The following MSL2 variants were observed in gnomAD, a reference collection of about 807,000 sequenced individuals.
MSL2 encodes the protein E3 ubiquitin-protein ligase MSL2.
A neutral mutation model predicts 35.8 loss-of-function variants in MSL2; 2 were observed. The ratio of observed to expected loss-of-function variants is 0.06; its 90% CI spans 0.02 to 0.18. The LOEUF (loss-of-function observed/expected upper bound fraction) is 0.18, where lower values mean the gene tolerates loss of function less well. Among genes scored for constraint, MSL2 ranks in the 10% least tolerant of loss-of-function variants. The pLI, the probability that MSL2 is intolerant of heterozygous loss-of-function variation, is 1.00. For missense variants in MSL2, 523 were observed against 706.7 expected (o/e 0.74, Z 2.95); for synonymous variants, 296 against 255.7 (o/e 1.16, Z -1.50).
chr3:136,168,685 C>T (rs953225972), intron 1 of MSL2, among the ~76,000 whole-genome samples: 4 of 151,998 alleles, frequency 2.6e-5, no homozygotes, highest in African/African-American at 9.7e-5. Context: ...AGCAAACCAC[C>T]ATGGCACGTG....
At chr3:136,161,338 T>G (rs1358712952) in intron 1 of MSL2, among the ~76,000 whole-genome samples, 1 of 152,188 alleles carries the variant, frequency 6.6e-6, no homozygotes, top group Non-Finnish European at 1.5e-5. Context: ...AAATTTACCA[T>G]AGAAACCAGC....
chr3:136,162,122 G>C (rs757870753), intron 1 of MSL2, among the ~76,000 whole-genome samples: 2 of 151,716 alleles, frequency 1.3e-5, no homozygotes, highest in African/African-American at 4.8e-5. Flanking sequence ...ATTTTTAGTA[G>C]AGACGGGGTC....
At chr3:136,159,199 C>A (rs916072872) in intron 1 of MSL2, among the ~76,000 whole-genome samples, 1 of 151,964 alleles carries the variant, frequency 6.6e-6, no homozygotes, top group Non-Finnish European at 1.5e-5. Context: ...TACTATAAAG[C>A]CATAGTAATC....
chr3:136,165,080 G>A (rs1275767369), intron 1 of MSL2, among the ~76,000 whole-genome samples: 1 of 151,964 alleles, frequency 6.6e-6, no homozygotes, highest in African/African-American at 2.4e-5. Context: ...TCACCATGTT[G>A]GCCAGGCTGG....
intron 1 of MSL2, among the ~76,000 whole-genome samples, chr3:136,183,103 CA>C (rs1438742874): frequency 6.6e-6 from 1 of 151,742 alleles, no homozygotes; most frequent in African/African-American, 2.4e-5. Flanking sequence ...TATCCAGCAA[CA>C]AAGTAAAATT....
chr3:136,172,366 C>T (rs561003313), intron 1 of MSL2, among the ~76,000 whole-genome samples: 1 of 152,178 alleles, frequency 6.6e-6, no homozygotes, highest in Admixed American at 6.5e-5. Context: ...ACCTCCCATA[C>T]TCCCCCCACC....
chr3:136,184,277 CAG>C (rs1940449009), intron 1 of MSL2, among the ~76,000 whole-genome samples: 1 of 151,450 alleles, frequency 6.6e-6, no homozygotes, highest in South Asian at 2.1e-4. Context: ...ACCTGAACGA[CAG>C]AGTGAGACTC....
chr3:136,175,030 T>A (rs1319359970), intron 1 of MSL2, among the ~76,000 whole-genome samples: 1 of 152,170 alleles, frequency 6.6e-6, no homozygotes, highest in Non-Finnish European at 1.5e-5. Flanking sequence ...ATTTCTCTTG[T>A]GGTATGAGAG....
chr3:136,182,366 C>T (rs113354644), intron 1 of MSL2, among the ~76,000 whole-genome samples: 5 of 152,166 alleles, frequency 3.3e-5, no homozygotes, highest in African/African-American at 9.7e-5. Flanking sequence ...GATTTACTCT[C>T]CTAACTGAAA....
In MSL2 at chr3:136,152,026, G is replaced by C; in HGVS notation, c.855C>G (p.Val285=). Reference sequence around the variant, plus strand: ...AGTTCGGCTGCAAATTAGGGCAACAGACCTCTGTATTTGAAACAGTTTCTA... The same window carrying C: ...AGTTCGGCTGCAAATTAGGGCAACACACCTCTGTATTTGAAACAGTTTCTA... ...RSLETVSNTE[V]CCPNLQPNLE... is the part of the protein sequence containing the mutation. The change falls in exon 2 of 2, where the codon GTC becomes GTG. Residue 285 remains valine, a synonymous_variant. Transcript: ENST00000309993. 3 of 1,614,192 alleles carry C rather than the reference G, an allele frequency of 1.9e-6. No individual in the cohort carries two copies. Among genetic ancestry groups the C allele is most frequent in the Middle Eastern group, 1.6e-4 (1 of 6,062 alleles).
intron 1 of MSL2, among the ~76,000 whole-genome samples, chr3:136,175,620 G>A (rs533585397): frequency 1.2e-4 from 18 of 151,976 alleles, no homozygotes; most frequent in South Asian, 2.1e-4. Context: ...CCAGGAGTTC[G>A]AGGCTGCAAG....
chr3:136,193,311 A>G (rs575873847), intron 1 of MSL2, among the ~76,000 whole-genome samples: 38 of 152,246 alleles, frequency 2.5e-4, no homozygotes, highest in Admixed American at 1.1e-3. Context: ...GCACAACTCA[A>G]AACTACCATT....
chr3:136,151,155 C>A lies in MSL2; in HGVS notation c.1726G>T (p.Asp576Tyr). Residue 576 changes from aspartate to tyrosine, a missense_variant, in exon 2 of 2, where the codon GAC becomes TAC. Physicochemically the swap from Asp to Tyr is radical, Grantham distance 160. Around this residue, in one of 5 missense-constraint regions of MSL2, gnomAD observed 60 missense variants for 75.1 expected, o/e 0.80. Coordinates refer to ENST00000309993, the MANE Select transcript of MSL2 (RefSeq NM_018133.4). The surrounding 1 kb of genome is among the most constrained non-coding windows in gnomAD (Gnocchi z 5.2). The stretch of plus-strand genomic sequence containing the variant: ...TTAAAAGACCCACTGATTTAACAGT[C>A]GAATCTCATGTCTATAGCTTCATCC... ...SLDEAIDMRF[D>Y]C 6.2e-7 allele frequency: 1 copy of A among 1,608,880 alleles called. No individual in the cohort carries two copies. The highest frequency in any genetic ancestry group is 1.1e-5 in the South Asian group (1 of 90,964).
intron 1 of MSL2, among the ~76,000 whole-genome samples, chr3:136,179,871 G>A (rs1940286982): frequency 6.6e-6 from 1 of 152,118 alleles, no homozygotes; most frequent in Non-Finnish European, 1.5e-5. Context: ...TTTGAGATCA[G>A]CCTGGCCAAC....
intron 1 of MSL2, among the ~76,000 whole-genome samples, chr3:136,159,993 C>G (rs1333164872): frequency 1.3e-5 from 2 of 151,996 alleles, no homozygotes; most frequent in Admixed American, 6.6e-5. Flanking sequence ...AAAAAATGGT[C>G]AGGCGAGGTG....
In MSL2 at chr3:136,152,026, G is replaced by T. The variant is rs769531500; in HGVS notation, c.855C>A (p.Val285=). 1 of 1,614,192 alleles carries T rather than the reference G, an allele frequency of 6.2e-7. No individual in the cohort carries two copies. The highest frequency in any genetic ancestry group is 8.5e-7 in the Non-Finnish European group (1 of 1,180,034). ...RSLETVSNTE[V]CCPNLQPNLE... ...AGTTCGGCTGCAAATTAGGGCAACA[G>T]ACCTCTGTATTTGAAACAGTTTCTA... The change falls in exon 2 of 2, where the codon GTC becomes GTA. Residue 285 remains valine (V), a synonymous_variant. Transcript: ENST00000309993.
intron 1 of MSL2, among the ~76,000 whole-genome samples, chr3:136,177,802 C>G (rs1940225554): frequency 6.6e-6 from 1 of 151,738 alleles, no homozygotes; most frequent in African/African-American, 2.4e-5. Flanking sequence ...ATTTGAGAGA[C>G]CAGTGATAGC....
intron 1 of MSL2, among the ~76,000 whole-genome samples, chr3:136,160,321 GGGAA>G (rs1939666945): frequency 3.3e-5 from 2 of 60,826 alleles, no homozygotes; most frequent in African/African-American, 1.1e-4. Context: ...GAGGGAGGGA[GGGAA>G]GGAGGGAAGG....
Position 136,149,885 on chromosome 3 carries a change from A to G in MSL2, c.*1262T>C, listed in dbSNP as rs1939298451. On this transcript the variant is annotated 3_prime_UTR_variant, in exon 2 of 2. Coordinates refer to ENST00000309993, the MANE Select transcript of MSL2 (RefSeq NM_018133.4). ...TTTAAATAAGCACTGTCAAAGCTGC[A>G]GCTCTTCTTTTAAATCACAGGTTAT... The G allele has an allele frequency of 6.6e-6, 1 of 152,596 alleles. No homozygotes were observed. Among genetic ancestry groups the G allele is most frequent in the Non-Finnish European group, 1.5e-5 (1 of 68,040 alleles). The allele number at this position is 152,596 out of a possible 1,614,324, so 9.5% of individuals were successfully genotyped here.
Sources: gnomAD v4.1 joint callset for allele counts (sites outside exome capture counted in the v4.1 genomes callset) on GRCh38, gnomAD v4.1.1 for gene constraint, gnomAD v4.1.1 regional missense constraint, Gnocchi (gnomAD v3.1) non-coding constraint, MANE v1.5 for transcripts, NCBI Gene and HGNC (gene_info 2026-07-23, HGNC 2026-07-21) for gene names.